Variants in PLEKHM3 observed in about 807,000 individuals in gnomAD.
PLEKHM3 encodes the protein pleckstrin homology domain containing M3, also known as pleckstrin homology domain-containing family M member 3.
In PLEKHM3, 45 loss-of-function variants were observed where a neutral mutation model predicts 81.8. The ratio of observed to expected loss-of-function variants is 0.55; its 90% CI spans 0.43 to 0.71. PLEKHM3 has a LOEUF of 0.71. Among genes scored for constraint, PLEKHM3 ranks in the 30% least tolerant of loss-of-function variants. The pLI is 0.00. For synonymous variants in PLEKHM3, 352 were observed against 356.4 expected, an observed-to-expected ratio of 0.99 and a Z score of 0.14; for missense variants, 788 against 924.3, an observed-to-expected ratio of 0.85 and a Z score of 1.91.
At chr2:207,863,067 G>A (rs1431921521) in intron 6 of PLEKHM3, among the ~76,000 whole-genome samples, 5 of 152,284 alleles carry the variant, frequency 3.3e-5, no homozygotes, top group African/African-American at 9.6e-5. Flanking sequence ...CTGGAGGTAC[G>A]GGGAGAAAGA....
intron 1 of PLEKHM3, among the ~76,000 whole-genome samples, chr2:208,023,537 G>A (rs747897543): frequency 1.3e-5 from 2 of 152,212 alleles, no homozygotes; most frequent in African/African-American, 2.4e-5. Flanking sequence ...TTTGAGCTCC[G>A]CCTCCTGTCA....
At chr2:207,854,951 T>C (rs923492754) in intron 7 of PLEKHM3, among the ~76,000 whole-genome samples, 1 of 151,550 alleles carries the variant, frequency 6.6e-6, no homozygotes, top group Non-Finnish European at 1.5e-5. Flanking sequence ...GATTCTGGAG[T>C]TTTAAAAGCC....
chr2:207,861,369 T>G, intron 6 of PLEKHM3, 107 bp from the exon 7 acceptor site: 1 of 1,232,788 alleles, frequency 8.1e-7, no homozygotes, highest in Non-Finnish European at 1.1e-6. Context: ...GGAAAACCTC[T>G]AATTATAATT....
intron 6 of PLEKHM3, among the ~76,000 whole-genome samples, chr2:207,864,276 C>T (rs2092483960): frequency 6.6e-6 from 1 of 152,126 alleles, no homozygotes; most frequent in African/African-American, 2.4e-5. Context: ...GAACCATTAA[C>T]TCCAATAAAC....
At chr2:207,964,274 A>G (rs542182172) in intron 3 of PLEKHM3, among the ~76,000 whole-genome samples, 4 of 152,322 alleles carry the variant, frequency 2.6e-5, no homozygotes, top group African/African-American at 4.8e-5. Flanking sequence ...TATGCACTCA[A>G]ATCAATAGGA....
intron 7 of PLEKHM3, among the ~76,000 whole-genome samples, chr2:207,837,286 A>G (rs2092324472): frequency 6.6e-6 from 1 of 152,184 alleles, no homozygotes; most frequent in Non-Finnish European, 1.5e-5. Context: ...TTCTAAGGTA[A>G]AATGAATTAA....
chr2:207,955,810 AT>A (rs1296280179), intron 3 of PLEKHM3, among the ~76,000 whole-genome samples: 1 of 152,258 alleles, frequency 6.6e-6, no homozygotes, highest in African/African-American at 2.4e-5. Flanking sequence ...AAAGAACATA[AT>A]TTAGCTCATC....
At chr2:207,950,843 A>G (rs1046859116) in intron 3 of PLEKHM3, among the ~76,000 whole-genome samples, 2 of 152,320 alleles carry the variant, frequency 1.3e-5, no homozygotes, top group African/African-American at 4.8e-5. Context: ...TCATTTTACC[A>G]GTGTTTTTCC....
intron 3 of PLEKHM3, among the ~76,000 whole-genome samples, chr2:207,954,999 G>A (rs1328630914): frequency 6.6e-6 from 1 of 152,112 alleles, no homozygotes; most frequent in African/African-American, 2.4e-5. Flanking sequence ...TCAATATTTA[G>A]TCAAAATTTA....
intron 3 of PLEKHM3, among the ~76,000 whole-genome samples, chr2:207,973,214 G>C (rs1470877730): frequency 6.6e-6 from 1 of 152,224 alleles, no homozygotes; most frequent in Non-Finnish European, 1.5e-5. Context: ...TGCAAAGTTA[G>C]AAGACATAGG....
chr2:208,008,634 T>C (rs1263108046), intron 1 of PLEKHM3, among the ~76,000 whole-genome samples: 1 of 152,166 alleles, frequency 6.6e-6, no homozygotes, highest in Non-Finnish European at 1.5e-5. Flanking sequence ...AGGGACCTCC[T>C]TGTTACACAG....
At chr2:207,890,870 T>C (rs541463733) in intron 6 of PLEKHM3, among the ~76,000 whole-genome samples, 1 of 152,368 alleles carries the variant, frequency 6.6e-6, no homozygotes, top group African/African-American at 2.4e-5. Context: ...ATTTTCACTG[T>C]ATTTTTTAAA....
At chr2:208,002,914 A>G (rs1410558362) in intron 1 of PLEKHM3, among the ~76,000 whole-genome samples, 1 of 152,052 alleles carries the variant, frequency 6.6e-6, no homozygotes, top group Non-Finnish European at 1.5e-5. Flanking sequence ...CCAGGAAAAA[A>G]AAAAAAACAA....
chr2:207,983,540 G>A (rs1691614470), intron 2 of PLEKHM3, among the ~76,000 whole-genome samples: 1 of 150,850 alleles, frequency 6.6e-6, no homozygotes, highest in African/African-American at 2.4e-5. Context: ...ACAAATCACT[G>A]TACCCATGAA....
intron 7 of PLEKHM3, among the ~76,000 whole-genome samples, chr2:207,830,709 AGTGT>A (rs2092282279): frequency 6.4e-5 from 6 of 93,970 alleles, no homozygotes; most frequent in African/African-American, 2.9e-4. Flanking sequence ...TGTCCTTAGA[AGTGT>A]CCTTAGAAGT....
chr2:207,935,673 T>C (rs987268778), intron 4 of PLEKHM3, among the ~76,000 whole-genome samples: 3 of 152,236 alleles, frequency 2.0e-5, no homozygotes, highest in African/African-American at 7.2e-5. Flanking sequence ...TGTGGTCATG[T>C]CATGGTAGAA....
chr2:207,883,648 C>T (rs991583333), intron 6 of PLEKHM3, among the ~76,000 whole-genome samples: 8 of 152,074 alleles, frequency 5.3e-5, no homozygotes, highest in East Asian at 1.9e-4. Flanking sequence ...GGCAGCTGAC[C>T]GTCATCTGAG....
In PLEKHM3 at chr2:207,861,112, T is replaced by G. The variant is rs765368305; in HGVS notation, c.2101A>C (p.Thr701Pro). Residue 701 changes from threonine (T) to proline (P), a missense_variant, in exon 7 of 8, where the codon ACA (threonine) becomes CCA (proline). Physicochemically the swap from Thr to Pro is conservative, Grantham distance 38. Coordinates refer to ENST00000427836, the MANE Select transcript of PLEKHM3 (RefSeq NM_001080475.3). ...AAATAAGATATTCTGTACCTGCTTG[T>G]TGAAATATCCTCAAAAGGGTAGAGG... The part of the protein sequence containing the change: ...EILYPFEDIS[T>P]SRCESCGAVF... 6.2e-7 allele frequency: 1 copy of G among 1,613,102 alleles called. No individual in the cohort carries two copies.
At chr2:207,831,796 G>C (rs2092290198) in intron 7 of PLEKHM3, among the ~76,000 whole-genome samples, 1 of 152,056 alleles carries the variant, frequency 6.6e-6, no homozygotes, top group East Asian at 1.9e-4. Flanking sequence ...CTCTCATCTG[G>C]GCCAGCTCCT....
Sources: gnomAD v4.1 joint callset for allele counts (sites outside exome capture counted in the v4.1 genomes callset) on GRCh38, gnomAD v4.1.1 for gene constraint, MANE v1.5 for transcripts, NCBI Gene and HGNC (gene_info 2026-07-23, HGNC 2026-07-21) for gene names.